Variants in ERFL observed in about 807,000 individuals in gnomAD.
ERFL encodes ETS domain-containing transcription factor ERF-like.
A neutral mutation model predicts 27.9 loss-of-function variants in ERFL; 8 were observed. That is an observed-to-expected ratio of 0.29 (90% CI 0.17 to 0.52). The LOEUF (loss-of-function observed/expected upper bound fraction) is 0.52. Among genes scored for constraint, ERFL ranks in the 20% least tolerant of loss-of-function variants. The probability of loss-of-function intolerance (pLI) is 0.97; values close to 1 mark genes in which losing one functional copy is unlikely to be tolerated. For missense variants in ERFL, 294 were observed against 444.4 expected, an observed-to-expected ratio of 0.66 and a Z score of 3.04; for synonymous variants, 174 against 202.8, an observed-to-expected ratio of 0.86 and a Z score of 1.21.
intron 1 of ERFL, among the ~76,000 whole-genome samples, chr19:41,925,197 G>T (rs2074864272): frequency 6.6e-6 from 1 of 152,120 alleles, no homozygotes; most frequent in South Asian, 2.1e-4. Context: ...CTGATTAAAT[G>T]ATTTGAATGT....
In ERFL at chr19:41,917,848, A is replaced by G. The variant is rs2074811269; in HGVS notation, c.-13-4916T>C. ...CATGGGACGGCTGCCAGCCCCACCC[A>G]TCTGTTGCCACACAAACGAGCCCCC... is the stretch of plus-strand genomic sequence containing the variant. On this transcript the variant is annotated intron_variant, in intron 1 of 5. Transcript: ENST00000597630. This position sits in a 1 kb window ranked among gnomAD's most constrained non-coding sequence, Gnocchi z 4.8. Among the ~76,000 whole-genome samples the G allele has an allele frequency of 6.6e-6, 1 of 151,542 alleles. No individual in the cohort carries two copies. Among genetic ancestry groups the G allele is most frequent in the Non-Finnish European group, 1.5e-5 (1 of 67,884 alleles).
At chr19:41,920,063 GATGTGACACA>G (rs2074830258) in intron 1 of ERFL, among the ~76,000 whole-genome samples, 1 of 120,788 alleles carries the variant, frequency 8.3e-6, no homozygotes, top group African/African-American at 3.3e-5. Context: ...GACACACCCA[GATGTGACACA>G]CTCACAGACA....
chr19:41,920,897 A>AC (rs1296532675), intron 1 of ERFL, among the ~76,000 whole-genome samples: 2 of 151,232 alleles, frequency 1.3e-5, no homozygotes, highest in East Asian at 1.9e-4. Flanking sequence ...GGAGACCCAC[A>AC]CCCCCCTCCC....
rs145949896 is a variant in ERFL at position 41,921,189 on chromosome 19, A to G, written c.-14+6851T>C. Among the ~76,000 whole-genome samples, 13 of 151,638 alleles carry G rather than the reference A, an allele frequency of 8.6e-5. No homozygotes were observed. The East Asian group carries it at 2.3e-3, about 27-fold the overall frequency. ...CGGAGGGAGGTCTGGCTGCTCCCCAACCTCACTCGTGGACCCCGCCTCCCC... is the reference window on the plus strand; with the variant it reads ...CGGAGGGAGGTCTGGCTGCTCCCCAGCCTCACTCGTGGACCCCGCCTCCCC... On this transcript the variant is annotated intron_variant, in intron 1 of 5. Transcript: ENST00000597630. The surrounding 1 kb of genome is among the most constrained non-coding windows in gnomAD (Gnocchi z 4.4).
Position 41,910,242 on chromosome 19 carries a change from T to TC in ERFL, c.68-146dup. On this transcript the variant is annotated intron_variant, in intron 2 of 5. Coordinates refer to ENST00000597630, the MANE Select transcript of ERFL (RefSeq NM_001365103.2). The surrounding 1 kb of genome is among the most constrained non-coding windows in gnomAD (Gnocchi z 4.4). ...GGACCTGGTTTCCACACTCCAAACC[T>TC]CCTCCCTTTGTGTCTGGTCCCCAAA... is the stretch of plus-strand genomic sequence containing the variant. The TC allele has an allele frequency of 1.2e-6, 1 of 803,020 alleles. No homozygotes were observed. Among genetic ancestry groups the TC allele is most frequent in the Non-Finnish European group, 1.9e-6 (1 of 516,086 alleles). The allele number at this position is 803,020 out of a possible 1,614,324, so 49.7% of individuals were successfully genotyped here. A position where few individuals can be genotyped will look rare whatever the true frequency, so the allele number is the denominator to read the frequency against.
intron 1 of ERFL, among the ~76,000 whole-genome samples, chr19:41,913,883 C>T (rs1555851509): frequency 6.6e-6 from 1 of 151,336 alleles, no homozygotes; most frequent in Non-Finnish European, 1.5e-5. Context: ...GACCCCTCCC[C>T]TCAGGCACTT....
In ERFL at chr19:41,912,911, A is replaced by G. The variant is rs1015014014; in HGVS notation, c.9T>C (p.Cys3=). 3 of 1,231,462 alleles carry G rather than the reference A, an allele frequency of 2.4e-6. No individual in the cohort carries two copies. The highest frequency in any genetic ancestry group is 3.0e-6 in the Non-Finnish European group (3 of 987,818). 76.3% of individuals were successfully genotyped at this position (1,231,462 alleles called of 1,614,324 possible). The change falls in exon 2 of 6, where the codon TGT becomes TGC. Residue 3 remains cysteine, a synonymous_variant. Transcript: ENST00000597630. ...CGAAGAGAAGGTCGGAGACGCAGCT[A>G]CAGTCCATGGCGGAGCCGGCCCTGC... The part of the protein sequence containing the change: MD[C]SCVSDLLFAP...
At position 41,917,025 on chromosome 19, in the gene ERFL, T is replaced by C. The variant is rs2074805765; in HGVS notation, c.-13-4093A>G. Among the ~76,000 whole-genome samples the C allele has an allele frequency of 6.6e-6, 1 of 152,130 alleles. No individual in the cohort carries two copies. Among genetic ancestry groups the C allele is most frequent in the Admixed American group, 6.5e-5 (1 of 15,280 alleles). ...CTCTGCATGGGTGTGTGTGTGTGTG[T>C]GCACATATGTGACACGTGCCCTTGT... On this transcript the variant is annotated intron_variant, in intron 1 of 5. Coordinates refer to ENST00000597630, the MANE Select transcript of ERFL (RefSeq NM_001365103.2). This position sits in a 1 kb window ranked among gnomAD's most constrained non-coding sequence, Gnocchi z 4.8.
chr19:41,924,517 T>G (rs1215922572), intron 1 of ERFL, among the ~76,000 whole-genome samples: 1 of 151,962 alleles, frequency 6.6e-6, no homozygotes, highest in Non-Finnish European at 1.5e-5. Flanking sequence ...ACCATCACCC[T>G]CACCTTTATC....
intron 1 of ERFL, among the ~76,000 whole-genome samples, chr19:41,925,146 G>A (rs1044801928): frequency 6.6e-6 from 1 of 152,104 alleles, no homozygotes; most frequent in Non-Finnish European, 1.5e-5. Context: ...AGATTAAGTG[G>A]GGGTATGCAT....
intron 1 of ERFL, among the ~76,000 whole-genome samples, chr19:41,920,567 C>G (rs1044487510): frequency 1.3e-4 from 20 of 152,136 alleles, no homozygotes; most frequent in African/African-American, 4.6e-4. Flanking sequence ...ATGTTACGCA[C>G]TCACAGACGT....
intron 1 of ERFL, among the ~76,000 whole-genome samples, chr19:41,915,202 CCCGCCGCCTCCT>C (rs1386308151): frequency 7.0e-6 from 1 of 142,560 alleles, no homozygotes; most frequent in African/African-American, 2.6e-5. Flanking sequence ...CTTTCAACTC[CCCGCCGCCTCCT>C]CCGGACACGT....
rs1328902957 is a variant in ERFL at position 41,916,711 on chromosome 19, G to A, written c.-13-3779C>T. The stretch of plus-strand genomic sequence containing the variant: ...AGCGCATACATATGCACTTGGTCAC[G>A]CATGGAGCCGTAGAGATACACACAC... On this transcript the variant is annotated intron_variant, in intron 1 of 5. Transcript: ENST00000597630. This position sits in a 1 kb window ranked among gnomAD's most constrained non-coding sequence, Gnocchi z 5.4. Among the ~76,000 whole-genome samples the A allele has an allele frequency of 8.6e-5, 13 of 151,638 alleles. No individual in the cohort carries two copies. The highest frequency in any genetic ancestry group is 2.9e-4 in the African/African-American group (12 of 41,292).
intron 1 of ERFL, among the ~76,000 whole-genome samples, chr19:41,915,138 A>G (rs1454124058): frequency 1.2e-4 from 2 of 16,594 alleles, no homozygotes; most frequent in Admixed American, 4.8e-4. Flanking sequence ...CCCCGCCCCC[A>G]CCCCCTATTG....
At chr19:41,926,590 C>G (rs1186356039) in intron 1 of ERFL, among the ~76,000 whole-genome samples, 1 of 152,124 alleles carries the variant, frequency 6.6e-6, no homozygotes, top group Non-Finnish European at 1.5e-5. Flanking sequence ...TGGCTCTGGC[C>G]CTGGGTGGGG....
In ERFL at chr19:41,914,729, C is replaced by T. The variant is rs111451372; in HGVS notation, c.-13-1797G>A. ...TCCACCATCTCTGTCTCTCCCTCCC[C>T]TTCCACCATCTCTGTCTCTCCCTCC... On this transcript the variant is annotated intron_variant, in intron 1 of 5. Transcript: ENST00000597630. 8.3e-3 allele frequency among the ~76,000 whole-genome samples: 124 copies of T among 15,010 alleles called. 8 individuals are homozygous for T. The highest frequency in any genetic ancestry group is 0.036 in the Middle Eastern group (2 of 56). The allele number at this position is 15,010 out of a possible 152,430, so 9.8% of individuals were successfully genotyped here. A position where few individuals can be genotyped will look rare whatever the true frequency, so the allele number is the denominator to read the frequency against.
rs2074807529 is a variant in ERFL, at chr19:41,917,363, C to G, written c.-13-4431G>C. ...CTCCTAACGCCCCATCACCACGCCC[C>G]CCTGGGCTGGGGTTTAACCAGTTGT... On this transcript the variant is annotated intron_variant, in intron 1 of 5. Transcript: ENST00000597630. This position sits in a 1 kb window ranked among gnomAD's most constrained non-coding sequence, Gnocchi z 4.8. Among the ~76,000 whole-genome samples, 1 of 152,002 alleles carries G rather than the reference C, an allele frequency of 6.6e-6. No individual in the cohort carries two copies. Among genetic ancestry groups the G allele is most frequent in the Non-Finnish European group, 1.5e-5 (1 of 67,996 alleles).
At chr19:41,914,079 A>AAC (rs1555851535) in intron 1 of ERFL, among the ~76,000 whole-genome samples, 1 of 137,530 alleles carries the variant, frequency 7.3e-6, no homozygotes, top group Non-Finnish European at 1.5e-5. Context: ...AGCCCCGCCT[A>AAC]CCCCTGGACA....
rs1171687560 is a variant in ERFL, at chr19:41,914,823, TCCCCCCCTTTCCACC to T, written c.-13-1906_-13-1892del. On this transcript the variant is annotated intron_variant, in intron 1 of 5. Coordinates refer to ENST00000597630, the MANE Select transcript of ERFL (RefSeq NM_001365103.2). ...TCTCTCCCTCCCCCTCCACCGTGTC[TCCCCCCCTTTCCACC>T]GTCTCTGTCTCTCCCCCCCTCCACC... Among the ~76,000 whole-genome samples, 3 of 11,612 alleles carry T rather than the reference TCCCCCCCTTTCCACC, an allele frequency of 2.6e-4. 1 individual carries two copies. The highest frequency in any genetic ancestry group is 1.1e-3 in the African/African-American group (3 of 2,768). The allele number at this position is 11,612 out of a possible 152,430, so 7.6% of individuals were successfully genotyped here. A position where few individuals can be genotyped will look rare whatever the true frequency, so the allele number is the denominator to read the frequency against.
Sources: gnomAD v4.1 joint callset for allele counts (sites outside exome capture counted in the v4.1 genomes callset) on GRCh38, gnomAD v4.1.1 for gene constraint, Gnocchi (gnomAD v3.1) non-coding constraint, MANE v1.5 for transcripts, NCBI Gene and HGNC (gene_info 2026-07-23, HGNC 2026-07-21) for gene names.